The following TPST2 variants were observed in gnomAD, a reference collection of about 807,000 sequenced individuals.
The protein encoded by TPST2 is tyrosylprotein sulfotransferase 2, also known as protein-tyrosine sulfotransferase 2.
TPST2 carries 16 observed loss-of-function variants against 27.8 expected under a neutral mutation model. That is an observed-to-expected ratio of 0.58 (90% CI 0.39 to 0.88). The LOEUF is 0.88. TPST2 is among the 40% of genes least tolerant of loss of function. The probability of loss-of-function intolerance (pLI) is 0.00; values close to 1 mark genes in which losing one functional copy is unlikely to be tolerated. For missense variants in TPST2, 464 were observed against 543.1 expected (o/e 0.85, Z 1.45); for synonymous variants, 229 against 231.7 (o/e 0.99, Z 0.10).
intron 1 of TPST2, chr22:26,561,119 G>A: frequency 4.3e-6 from 7 of 1,609,978 alleles, no homozygotes; most frequent in Middle Eastern, 2.2e-4. Flanking sequence ...AGGATGAGGA[G>A]GAGGAAGATG....
Position 26,586,531 on chromosome 22 carries a change from T to C in TPST2, c.-161+3522A>G, listed in dbSNP as rs145582506. 2.3e-3 allele frequency among the ~76,000 whole-genome samples: 344 copies of C among 152,266 alleles called. 1 individual carries two copies. Among genetic ancestry groups the C allele is most frequent in the African/African-American group, 7.6e-3 (314 of 41,534 alleles). ...TCCAAAAGTGCTGGGATTACAAGCA[T>C]GAGCCATGCACCCGGCCTAGGCTGC... On this transcript the variant is annotated intron_variant, in intron 1 of 6. Coordinates refer to ENST00000338754, the MANE Select transcript of TPST2 (RefSeq NM_003595.5).
chr22:26,587,561 G>A (rs1450411792), intron 1 of TPST2, among the ~76,000 whole-genome samples: 2 of 152,044 alleles, frequency 1.3e-5, no homozygotes, highest in African/African-American at 4.8e-5. Context: ...GGCTGGTCTC[G>A]AACTCCTGAC....
chr22:26,566,195 T>A (rs891962968), intron 1 of TPST2, among the ~76,000 whole-genome samples: 2 of 152,210 alleles, frequency 1.3e-5, no homozygotes, highest in Middle Eastern at 3.4e-3. Context: ...GGCAGGCAGA[T>A]TACCTGAGGT....
intron 1 of TPST2, among the ~76,000 whole-genome samples, chr22:26,555,902 C>T (rs1305067774): frequency 2.6e-5 from 4 of 152,234 alleles, no homozygotes; most frequent in Non-Finnish European, 4.4e-5. Context: ...TGCTCACACT[C>T]TGCTCACACT....
At chr22:26,537,835 C>A (rs948173356) in intron 3 of TPST2, among the ~76,000 whole-genome samples, 1 of 152,158 alleles carries the variant, frequency 6.6e-6, no homozygotes, top group Admixed American at 6.5e-5. Context: ...CACACAAACG[C>A]GCGTCTGCAG....
rs556441479 is a variant in TPST2, at chr22:26,576,713, T to C, written c.-161+13340A>G. 5.9e-5 allele frequency among the ~76,000 whole-genome samples: 9 copies of C among 152,018 alleles called. No homozygotes were observed. In the South Asian group the frequency reaches 1.9e-3, roughly 32 times the overall value. ...AGCCGGGCACAGTAGCTCATGCCTA[T>C]AATCCCAAGCATTTTGGGAGGCTGA... On this transcript the variant is annotated intron_variant, in intron 1 of 6. Transcript: ENST00000338754.
intron 3 of TPST2, among the ~76,000 whole-genome samples, chr22:26,537,342 TCA>T (rs1396721955): frequency 6.6e-6 from 1 of 152,246 alleles, no homozygotes; most frequent in Non-Finnish European, 1.5e-5. Flanking sequence ...TCTCTGGGCC[TCA>T]GTTTCCTCTT....
intron 1 of TPST2, chr22:26,560,735 T>C (rs1927043419): frequency 8.9e-7 from 1 of 1,129,000 alleles, no homozygotes; most frequent in Non-Finnish European, 1.4e-6. Flanking sequence ...ACAAGGCCCA[T>C]TACGAAAGAG....
At chr22:26,556,367 C>T (rs1926793234) in intron 1 of TPST2, among the ~76,000 whole-genome samples, 4 of 152,154 alleles carry the variant, frequency 2.6e-5, no homozygotes, top group Middle Eastern at 3.4e-3. Context: ...GGTGAAACCC[C>T]GTCTCTACTA....
chr22:26,546,145 G>A (rs1296157317), intron 1 of TPST2, among the ~76,000 whole-genome samples: 1 of 151,342 alleles, frequency 6.6e-6, no homozygotes, highest in Non-Finnish European at 1.5e-5. Flanking sequence ...TAAACCGGCT[G>A]CAGGGTGTTG....
At chr22:26,526,565 C>T (rs1045523982) in intron 6 of TPST2, among the ~76,000 whole-genome samples, 1 of 152,178 alleles carries the variant, frequency 6.6e-6, no homozygotes, top group Non-Finnish European at 1.5e-5. Context: ...AAGAGAAGGA[C>T]TCATGTTTGT....
At chr22:26,526,805 T>C (rs919427791) in intron 6 of TPST2, among the ~76,000 whole-genome samples, 19 of 152,064 alleles carry the variant, frequency 1.2e-4, no homozygotes, top group African/African-American at 3.9e-4. Flanking sequence ...TGGGTAGGTG[T>C]GGTGGCTCAT....
Position 26,526,252 on chromosome 22 carries a change from A to G in TPST2, c.*23T>C, listed in dbSNP as rs1924829912. 1 of 152,240 alleles carries G rather than the reference A, an allele frequency of 6.6e-6. No homozygotes were observed. Among genetic ancestry groups the G allele is most frequent in the Non-Finnish European group, 1.5e-5 (1 of 68,034 alleles). The allele number at this position is 152,240 out of a possible 1,614,324, so 9.4% of individuals were successfully genotyped here. On this transcript the variant is annotated 3_prime_UTR_variant, in exon 7 of 7. Coordinates refer to ENST00000338754, the MANE Select transcript of TPST2 (RefSeq NM_003595.5). ...CATTTTCTTCTCTTCTTGGCAATGA[A>G]GTCATTTGCGGAGATCTGAAAGTGG...
intron 3 of TPST2, among the ~76,000 whole-genome samples, chr22:26,538,577 T>C (rs1158279480): frequency 1.3e-5 from 2 of 152,204 alleles, no homozygotes; most frequent in Admixed American, 6.5e-5. Context: ...ATCCCAGCAC[T>C]TGGGGAGGCT....
At chr22:26,578,539 C>T (rs953204252) in intron 1 of TPST2, among the ~76,000 whole-genome samples, 12 of 152,164 alleles carry the variant, frequency 7.9e-5, no homozygotes, top group Non-Finnish European at 1.8e-4. Context: ...GGGGACTATG[C>T]CTGGGGACCC....
Position 26,590,055 on chromosome 22 carries a change from T to TGGCGAGACGC in TPST2, c.-173_-164dup, listed in dbSNP as rs1928497404. 1 of 151,664 alleles carries TGGCGAGACGC rather than the reference T, an allele frequency of 6.6e-6. No individual in the cohort carries two copies. Among genetic ancestry groups the TGGCGAGACGC allele is most frequent in the African/African-American group, 2.4e-5 (1 of 41,364 alleles). The allele number at this position is 151,664 out of a possible 1,614,324, so 9.4% of individuals were successfully genotyped here. A position where few individuals can be genotyped will look rare whatever the true frequency, so the allele number is the denominator to read the frequency against. On this transcript the variant is annotated 5_prime_UTR_variant, in exon 1 of 7. Transcript: ENST00000338754. ...CCTGCCGCCCCAGGGCCACCTACCG[T>TGGCGAGACGC]GGCGAGACGCGGCGAGGCAGCCCCA...
chr22:26,562,279 C>T (rs1043489543), intron 1 of TPST2, among the ~76,000 whole-genome samples: 1 of 152,218 alleles, frequency 6.6e-6, no homozygotes, highest in African/African-American at 2.4e-5. Flanking sequence ...TTATCTGCTT[C>T]TGTATGCTTA....
At position 26,590,095 on chromosome 22, in the gene TPST2, C is replaced by A. The variant is rs1014864327; in HGVS notation, c.-203G>T. ...AGGCAGCCCCACGCACCCAGCGACT[C>A]CCGGCTCTCCAGCCGCCCCAGCCGG... On this transcript the variant is annotated 5_prime_UTR_variant, in exon 1 of 7. Coordinates refer to ENST00000338754, the MANE Select transcript of TPST2 (RefSeq NM_003595.5). 1 of 151,944 alleles carries A rather than the reference C, an allele frequency of 6.6e-6. No individual in the cohort carries two copies. Among genetic ancestry groups the A allele is most frequent in the African/African-American group, 2.4e-5 (1 of 41,414 alleles). The allele number at this position is 151,944 out of a possible 1,614,324, so 9.4% of individuals were successfully genotyped here.
chr22:26,576,638 G>A (rs1927846358), intron 1 of TPST2, among the ~76,000 whole-genome samples: 1 of 152,026 alleles, frequency 6.6e-6, no homozygotes, highest in South Asian at 2.1e-4. Flanking sequence ...TGGAGGAGGG[G>A]AAGGTAAATA....
Sources: allele counts gnomAD v4.1 joint callset (sites outside exome capture counted in the v4.1 genomes callset), GRCh38; gene constraint gnomAD v4.1.1; transcripts MANE v1.5; gene names NCBI Gene and HGNC (gene_info 2026-07-23, HGNC 2026-07-21).